IL1RAPL1: variants seen among roughly 807,000 people sequenced by gnomAD.
IL1RAPL1 encodes the protein interleukin-1 receptor accessory protein-like 1.
IL1RAPL1 carries 3 observed loss-of-function variants against 48.4 expected under a neutral mutation model. The observed-to-expected ratio is 0.06, with a 90% CI of 0.03 to 0.16. IL1RAPL1 has a LOEUF of 0.16. Among genes scored for constraint, IL1RAPL1 ranks in the 10% least tolerant of loss-of-function variants. The pLI is 1.00. For missense variants in IL1RAPL1, 349 were observed against 530.6 expected, an observed-to-expected ratio of 0.66 and a Z score of 3.36; for synonymous variants, 185 against 187.7, an observed-to-expected ratio of 0.99 and a Z score of 0.12.
intron 1 of IL1RAPL1, among the ~76,000 whole-genome samples, chrX:28,606,646 G>C (rs1934086706): frequency 9.0e-6 from 1 of 111,115 alleles, no homozygotes; most frequent in Admixed American, 9.6e-5. Flanking sequence ...CTCTAATAAG[G>C]ATAATTTTAA....
intron 6 of IL1RAPL1, among the ~76,000 whole-genome samples, chrX:29,682,580 A>T (rs1926488953): frequency 8.9e-6 from 1 of 111,811 alleles, no homozygotes; most frequent in Admixed American, 9.5e-5. Flanking sequence ...TCATTTTTGT[A>T]CATATTTTTG....
intron 6 of IL1RAPL1, among the ~76,000 whole-genome samples, chrX:29,871,748 G>C (rs1931802429): frequency 9.0e-6 from 1 of 110,507 alleles, no homozygotes; most frequent in African/African-American, 3.3e-5. Context: ...TTTTGAGATG[G>C]AGTCTTGCTC....
In IL1RAPL1 at chrX:29,367,822, G is replaced by A. The variant is rs189774639; in HGVS notation, c.363-28436G>A. Among the ~76,000 whole-genome samples the A allele has an allele frequency of 3.4e-4, 37 of 109,133 alleles. No homozygotes were observed. The East Asian group carries it at 7.4e-3, about 22-fold the overall frequency. 94.8% of individuals were successfully genotyped at this position (109,133 alleles called of 115,157 possible). A position where few individuals can be genotyped will look rare whatever the true frequency, so the allele number is the denominator to read the frequency against. On this transcript the variant is annotated intron_variant, in intron 3 of 10. Transcript: ENST00000378993. The stretch of plus-strand genomic sequence containing the variant: ...TCGAACTCCTGATCTCAGGTAATCC[G>A]CCCACCTTGGCCACCCAAAGTGCTG...
intron 6 of IL1RAPL1, among the ~76,000 whole-genome samples, chrX:29,821,478 T>TAAAAC (rs138078301): frequency 9.1e-6 from 1 of 110,134 alleles, no homozygotes; most frequent in Non-Finnish European, 1.9e-5. Flanking sequence ...AAAAATAAAA[T>TAAAAC]AAAACAACAA....
At chrX:29,918,144 A>AAAAAAAAAATATAT (rs1555935868) in intron 7 of IL1RAPL1, among the ~76,000 whole-genome samples, 2 of 23,761 alleles carry the variant, frequency 8.4e-5, no homozygotes, top group African/African-American at 4.8e-4. Context: ...AAAAAAAAAA[A>AAAAAAAAAATATAT]ATATATATAT....
chrX:28,717,756 G>A (rs1217589674), intron 1 of IL1RAPL1, among the ~76,000 whole-genome samples: 1 of 111,070 alleles, frequency 9.0e-6, no homozygotes, highest in Non-Finnish European at 1.9e-5. Context: ...TTTTTGAGTT[G>A]ATAAAGAAGA....
chrX:29,848,281 A>G (rs1931288139), intron 6 of IL1RAPL1, among the ~76,000 whole-genome samples: 1 of 111,369 alleles, frequency 9.0e-6, no homozygotes, highest in Non-Finnish European at 1.9e-5. Context: ...TTTTATTTCC[A>G]GTTTAATTGT....
chrX:28,645,463 G>C, intron 1 of IL1RAPL1, among the ~76,000 whole-genome samples: 1 of 109,561 alleles, frequency 9.1e-6, no homozygotes, highest in East Asian at 2.8e-4. Context: ...GGGAAAAGTA[G>C]TGAGAGGGAA....
At chrX:29,598,610 C>T (rs1008630770) in intron 5 of IL1RAPL1, among the ~76,000 whole-genome samples, 106 of 111,433 alleles carry the variant, frequency 9.5e-4, no homozygotes, top group Non-Finnish European at 7.5e-4. Context: ...ATCTGTCCAG[C>T]GCTGTCAGTG....
chrX:28,866,189 A>G (rs1372616975), intron 2 of IL1RAPL1, among the ~76,000 whole-genome samples: 1 of 112,451 alleles, frequency 8.9e-6, no homozygotes, highest in African/African-American at 3.2e-5. Flanking sequence ...CAAATAGTAA[A>G]TTCTGCCATA....
chrX:29,270,226 G>T lies in IL1RAPL1; in HGVS notation c.83-12712G>T, dbSNP rs761792416. ...CTTCTATGAACAGTTGTGTGCACGT[G>T]TATAGACGTAGAGTTTTCTTGTCTT... is the stretch of plus-strand genomic sequence containing the variant. On this transcript the variant is annotated intron_variant, in intron 2 of 10. Coordinates refer to ENST00000378993, the MANE Select transcript of IL1RAPL1 (RefSeq NM_014271.4). Among the ~76,000 whole-genome samples, 17 of 111,822 alleles carry T rather than the reference G, an allele frequency of 1.5e-4. 1 individual carries two copies. The highest frequency in any genetic ancestry group is 4.8e-4 in the Admixed American group (5 of 10,513).
chrX:29,021,215 GAAAAAAAA>G (rs746008500), intron 2 of IL1RAPL1, among the ~76,000 whole-genome samples: 21 of 41,957 alleles, frequency 5.0e-4, no homozygotes, highest in Non-Finnish European at 7.9e-4. Context: ...CCGTCTCAAG[GAAAAAAAA>G]AAAAAAAAAA....
chrX:29,557,329 C>T (rs970869196), intron 5 of IL1RAPL1, among the ~76,000 whole-genome samples: 2 of 111,556 alleles, frequency 1.8e-5, no homozygotes, highest in Admixed American at 1.9e-4. Context: ...TAAAATACTC[C>T]ATCTTTATTC....
chrX:29,439,596 C>G (rs1934519002), intron 5 of IL1RAPL1, among the ~76,000 whole-genome samples: 1 of 111,237 alleles, frequency 9.0e-6, no homozygotes, highest in African/African-American at 3.3e-5. Flanking sequence ...TTAGGACTTT[C>G]TACTCTACAC....
At chrX:28,708,016 A>G (rs1239548221) in intron 1 of IL1RAPL1, among the ~76,000 whole-genome samples, 1 of 111,683 alleles carries the variant, frequency 9.0e-6, no homozygotes, top group Non-Finnish European at 1.9e-5. Context: ...ATGGAGCTGG[A>G]ATTTTAAAGA....
At chrX:29,399,428 A>G in intron 5 of IL1RAPL1, 120 bp downstream of exon 5, 1 of 580,354 alleles carries the variant, frequency 1.7e-6, no homozygotes, top group Non-Finnish European at 2.8e-6. Context: ...TGCTAAGTGG[A>G]TTCCTATAGG....
chrX:29,252,237 C>A (rs143624031), intron 2 of IL1RAPL1, among the ~76,000 whole-genome samples: 2,030 of 104,340 alleles, frequency 0.019, no homozygotes, highest in African/African-American at 0.079. Context: ...GCACATTGTG[C>A]ACATGTACCC....
At chrX:29,188,237 G>C (rs193219063) in intron 2 of IL1RAPL1, among the ~76,000 whole-genome samples, 1 of 111,641 alleles carries the variant, frequency 9.0e-6, no homozygotes, top group African/African-American at 3.3e-5. Flanking sequence ...TTGTGACTCT[G>C]AGAAATTTGA....
chrX:28,814,235 A>G (rs1375443508), intron 2 of IL1RAPL1, among the ~76,000 whole-genome samples: 3 of 110,048 alleles, frequency 2.7e-5, no homozygotes, highest in African/African-American at 9.9e-5. Flanking sequence ...GGAGCAGATA[A>G]TGGTTCAAAT....
Sources: allele counts gnomAD v4.1 joint callset (sites outside exome capture counted in the v4.1 genomes callset), GRCh38; gene constraint gnomAD v4.1.1; transcripts MANE v1.5; gene names NCBI Gene and HGNC (gene_info 2026-07-23, HGNC 2026-07-21).